MARCHF1: variants seen among roughly 807,000 people sequenced by gnomAD.
MARCHF1 encodes the protein E3 ubiquitin-protein ligase MARCHF1.
MARCHF1 carries 40 observed loss-of-function variants against 54.2 expected under a neutral mutation model. The observed-to-expected ratio is 0.74, with a 90% CI of 0.57 to 0.96. The LOEUF is 0.96. Ranked by LOEUF, MARCHF1 falls within the 40% of genes least tolerant of loss-of-function variation. The pLI, the probability that MARCHF1 is intolerant of heterozygous loss-of-function variation, is 0.00. For synonymous variants in MARCHF1, 236 were observed against 236.3 expected (o/e 1.00, Z 0.01); for missense variants, 586 against 656.5 (o/e 0.89, Z 1.17).
chr4:163,906,837 C>T (rs919017362), intron 3 of MARCHF1, among the ~76,000 whole-genome samples: 1 of 151,820 alleles, frequency 6.6e-6, no homozygotes, highest in Admixed American at 6.6e-5. Context: ...CACCCCTCCC[C>T]CCCCACATAA....
chr4:163,875,228 A>G (rs924513525), intron 3 of MARCHF1, among the ~76,000 whole-genome samples: 2 of 152,074 alleles, frequency 1.3e-5, no homozygotes, highest in Non-Finnish European at 2.9e-5. Context: ...GAAAAAAAAA[A>G]TTCCCCAATT....
At chr4:164,262,318 A>G in intron 1 of MARCHF1, among the ~76,000 whole-genome samples, 1 of 152,144 alleles carries the variant, frequency 6.6e-6, no homozygotes, top group East Asian at 1.9e-4. Flanking sequence ...ATGCTTCTCC[A>G]TCATTTCCCC....
intron 1 of MARCHF1, among the ~76,000 whole-genome samples, chr4:164,154,601 G>A (rs887622082): frequency 1.4e-4 from 22 of 152,186 alleles, no homozygotes; most frequent in African/African-American, 3.1e-4. Flanking sequence ...CGGGAAGCAC[G>A]CAGATGGGCA....
chr4:164,027,639 T>C (rs1393370717), intron 2 of MARCHF1, among the ~76,000 whole-genome samples: 1 of 152,054 alleles, frequency 6.6e-6, no homozygotes, highest in Admixed American at 6.6e-5. Flanking sequence ...TGTCAAATTA[T>C]AAAAATCCTA....
intron 5 of MARCHF1, among the ~76,000 whole-genome samples, chr4:163,661,155 T>C (rs1743330860): frequency 6.6e-6 from 1 of 151,986 alleles, no homozygotes; most frequent in Non-Finnish European, 1.5e-5. Context: ...CAAATAAGAT[T>C]GTATAATAAT....
intron 8 of MARCHF1, among the ~76,000 whole-genome samples, chr4:163,558,918 C>G (rs1392264034): frequency 6.6e-6 from 1 of 152,184 alleles, no homozygotes; most frequent in African/African-American, 2.4e-5. Flanking sequence ...ACTCCCTTAA[C>G]TTCCTGTCCT....
chr4:164,197,148 C>G, intron 1 of MARCHF1: 1 of 1,603,436 alleles, frequency 6.2e-7, no homozygotes, highest in Non-Finnish European at 8.5e-7. Context: ...CCTCCTCCTC[C>G]TCGCCCTCCT....
At chr4:164,270,718 C>T (rs1313251686) in intron 1 of MARCHF1, among the ~76,000 whole-genome samples, 2 of 152,110 alleles carry the variant, frequency 1.3e-5, no homozygotes, top group African/African-American at 4.8e-5. Flanking sequence ...TTCGTGCATG[C>T]CTAACAAACA....
At chr4:163,531,104 A>G (rs116200139) in intron 9 of MARCHF1, among the ~76,000 whole-genome samples, 2 of 152,020 alleles carry the variant, frequency 1.3e-5, no homozygotes, top group Middle Eastern at 3.4e-3. Context: ...TCCAGAAAAT[A>G]GAAGAGATAA....
At chr4:164,275,297 G>A (rs543901076) in intron 1 of MARCHF1, among the ~76,000 whole-genome samples, 123 of 152,196 alleles carry the variant, frequency 8.1e-4, no homozygotes, top group Non-Finnish European at 1.4e-3. Flanking sequence ...CCTCGTCTGC[G>A]GCCATTGTGC....
At chr4:164,255,486 G>T (rs4362777) in intron 1 of MARCHF1, among the ~76,000 whole-genome samples, 1 of 150,508 alleles carries the variant, frequency 6.6e-6, no homozygotes, top group Non-Finnish European at 1.5e-5. Flanking sequence ...ACAACGCCAC[G>T]CATGAAAATG....
At chr4:163,575,765 C>A (rs1167769197) in intron 8 of MARCHF1, among the ~76,000 whole-genome samples, 1 of 151,748 alleles carries the variant, frequency 6.6e-6, no homozygotes, top group Non-Finnish European at 1.5e-5. Context: ...CTTTCTGATT[C>A]AATCTTTGGA....
At chr4:163,759,594 C>T (rs998128044) in intron 4 of MARCHF1, among the ~76,000 whole-genome samples, 32 of 152,184 alleles carry the variant, frequency 2.1e-4, no homozygotes, top group Admixed American at 2.0e-3. Context: ...TTGGGAATGT[C>T]ACCATTCGAT....
At chr4:163,653,112 T>C (rs1743024295) in intron 5 of MARCHF1, among the ~76,000 whole-genome samples, 1 of 151,696 alleles carries the variant, frequency 6.6e-6, no homozygotes, top group African/African-American at 2.4e-5. Context: ...ATAGAGTGGT[T>C]AACGGAGGCC....
At chr4:163,710,652 T>C (rs536771961) in intron 4 of MARCHF1, among the ~76,000 whole-genome samples, 43 of 152,216 alleles carry the variant, frequency 2.8e-4, no homozygotes, top group South Asian at 4.1e-4. Context: ...CACACTCTTG[T>C]ACTGAAAATG....
rs141888696 is a variant in MARCHF1 at position 163,831,055 on chromosome 4, T to A, written c.111+22966A>T. On this transcript the variant is annotated intron_variant, in intron 4 of 9. Coordinates refer to ENST00000514618, the MANE Select transcript of MARCHF1 (RefSeq NM_001394959.1). Reference sequence around the variant, plus strand: ...GTTAATACTTTCCTTGGTGGGTCAATAGGTATAGTTCTGCGAGTCTTTACA... The same window carrying A: ...GTTAATACTTTCCTTGGTGGGTCAAAAGGTATAGTTCTGCGAGTCTTTACA... Among the ~76,000 whole-genome samples the A allele has an allele frequency of 2.3e-3, 352 of 152,316 alleles. 3 individuals are homozygous for A. Among genetic ancestry groups the A allele is most frequent in the Middle Eastern group, 0.01 (3 of 294 alleles).
In MARCHF1 at chr4:163,528,971, T is replaced by A; in HGVS notation, c.1415A>T (p.Tyr472Phe). The change falls in exon 10 of 10, where the codon TAC becomes TTC. Residue 472 changes from tyrosine (Y) to phenylalanine (F), a missense_variant. By Grantham distance (22) the Tyr-to-Phe change is conservative (BLOSUM62 3). Transcript: ENST00000514618. ...IGFTGGLVFM[Y>F]VQCKVYVQLW... The stretch of plus-strand genomic sequence containing the variant: ...CTGAACATAGACTTTACACTGTACG[T>A]ACATGAAGACAAGACCTCCTGTGAA... 4 of 1,613,106 alleles carry A rather than the reference T, an allele frequency of 2.5e-6. No homozygotes were observed. Among genetic ancestry groups the A allele is most frequent in the Non-Finnish European group, 3.4e-6 (4 of 1,179,438 alleles).
At chr4:163,967,587 T>C (rs76776833) in intron 3 of MARCHF1, among the ~76,000 whole-genome samples, 1,581 of 152,270 alleles carry the variant, frequency 0.01, 15 homozygotes, top group Non-Finnish European at 0.017. Flanking sequence ...TAGTACAACA[T>C]GGAGGATCAT....
intron 5 of MARCHF1, among the ~76,000 whole-genome samples, chr4:163,695,371 G>T (rs185762023): frequency 6.6e-6 from 1 of 152,220 alleles, no homozygotes. Context: ...TACACAGTAC[G>T]TCATCAAAAA....
Sources: gnomAD v4.1 joint callset for allele counts (sites outside exome capture counted in the v4.1 genomes callset) on GRCh38, gnomAD v4.1.1 for gene constraint, MANE v1.5 for transcripts, NCBI Gene and HGNC (gene_info 2026-07-23, HGNC 2026-07-21) for gene names.